Variants in ARMC8 observed in about 807,000 individuals in gnomAD.
ARMC8 encodes the protein armadillo repeat-containing protein 8.
A neutral mutation model predicts 99.3 loss-of-function variants in ARMC8; 20 were observed. The ratio of observed to expected loss-of-function variants is 0.20; its 90% CI spans 0.14 to 0.29. The LOEUF (loss-of-function observed/expected upper bound fraction) is 0.29, where lower values mean the gene tolerates loss of function less well. Ranked by LOEUF, ARMC8 falls within the 10% of genes least tolerant of loss-of-function variation. The pLI is 1.00. For missense variants in ARMC8, 569 were observed against 809.5 expected, an observed-to-expected ratio of 0.70 and a Z score of 3.60; for synonymous variants, 263 against 278.3, an observed-to-expected ratio of 0.95 and a Z score of 0.55.
chr3:138,221,888 G>C (rs2108076615), intron 2 of ARMC8, 38 bp from the exon 3 acceptor site: 8 of 1,500,266 alleles, frequency 5.3e-6, no homozygotes, highest in Non-Finnish European at 7.4e-6. Flanking sequence ...CTTCAGTGCT[G>C]TCTCAACATA....
At chr3:138,231,209 A>G (rs1245196316) in intron 6 of ARMC8, among the ~76,000 whole-genome samples, 2 of 152,248 alleles carry the variant, frequency 1.3e-5, no homozygotes, top group Non-Finnish European at 2.9e-5. Context: ...GACAACATGT[A>G]TCTTTGAGAA....
At chr3:138,217,124 A>G (rs2045096618) in intron 2 of ARMC8, among the ~76,000 whole-genome samples, 1 of 152,160 alleles carries the variant, frequency 6.6e-6, no homozygotes. Context: ...TAGTTGGTGT[A>G]AGTACACTCT....
chr3:138,255,189 C>CTGTT (rs1220337032), intron 12 of ARMC8, among the ~76,000 whole-genome samples: 1 of 144,786 alleles, frequency 6.9e-6, no homozygotes, highest in African/African-American at 2.6e-5. Flanking sequence ...TTGTTCTGTT[C>CTGTT]TGTTTTTTTT....
In ARMC8 at chr3:138,194,180, C is replaced by T. The variant is rs2043561431; in HGVS notation, c.45+6581C>T. On this transcript the variant is annotated intron_variant, in intron 1 of 21. Coordinates refer to ENST00000469044, the MANE Select transcript of ARMC8 (RefSeq NM_001363941.2). ...GCCTCAGCCTCCCGAGTAGCTGGGACTACAGGCACCCACTGCCACGCCCGG... is the reference window on the plus strand; with the variant it reads ...GCCTCAGCCTCCCGAGTAGCTGGGATTACAGGCACCCACTGCCACGCCCGG... Among the ~76,000 whole-genome samples, 3 of 150,900 alleles carry T rather than the reference C, an allele frequency of 2.0e-5. No individual in the cohort carries two copies. In the South Asian group the frequency reaches 6.3e-4, roughly 32 times the overall value.
chr3:138,218,251 G>A (rs1056737414), intron 2 of ARMC8, among the ~76,000 whole-genome samples: 2 of 152,134 alleles, frequency 1.3e-5, no homozygotes, highest in African/African-American at 4.8e-5. Flanking sequence ...CCACTTAGTT[G>A]TCCCTCTTAA....
At chr3:138,280,794 C>G (rs978490578) in intron 18 of ARMC8, among the ~76,000 whole-genome samples, 1 of 151,594 alleles carries the variant, frequency 6.6e-6, no homozygotes, top group Admixed American at 6.6e-5. Flanking sequence ...GCCTGGCCAA[C>G]TTTTTGTATT....
intron 18 of ARMC8, among the ~76,000 whole-genome samples, chr3:138,280,399 C>T (rs1196582108): frequency 6.7e-6 from 1 of 149,218 alleles, no homozygotes; most frequent in South Asian, 2.1e-4. Context: ...CTCACTGCAG[C>T]CTCCACCTCC....
At chr3:138,239,015 T>TA (rs2046473803) in intron 9 of ARMC8, 1 of 157,906 alleles carries the variant, frequency 6.3e-6, no homozygotes, top group South Asian at 1.8e-4. Flanking sequence ...TGTTACAAGT[T>TA]AAATGCCTCT....
chr3:138,228,956 C>CA lies in ARMC8; in HGVS notation c.475dup (p.Arg159LysfsTer18), dbSNP rs778495788. 6.2e-7 allele frequency: 1 copy of CA among 1,609,788 alleles called. No individual in the cohort carries two copies. Among genetic ancestry groups the CA allele is most frequent in the Non-Finnish European group, 8.5e-7 (1 of 1,177,574 alleles). ...TACCACACCTCATGGCACTGCTTAG[C>CA]AGGTCCCGCTATACCCAGGAGTACA... On this transcript the variant is annotated frameshift_variant, in exon 6 of 22. Coordinates refer to ENST00000469044, the MANE Select transcript of ARMC8 (RefSeq NM_001363941.2). LOFTEE classifies it high-confidence loss of function.
chr3:138,256,341 A>G (rs1431644089), intron 12 of ARMC8, among the ~76,000 whole-genome samples: 1 of 150,498 alleles, frequency 6.6e-6, no homozygotes, highest in Non-Finnish European at 1.5e-5. Context: ...CCAAAGCTGA[A>G]TCATTGATTT....
chr3:138,204,512 T>G (rs1287003937), intron 1 of ARMC8, among the ~76,000 whole-genome samples: 2 of 152,222 alleles, frequency 1.3e-5, no homozygotes, highest in Non-Finnish European at 2.9e-5. Flanking sequence ...GTGAAAAGCC[T>G]TCTTTCAAGG....
rs769789020 is a variant in ARMC8, at chr3:138,273,062, G to C, written c.1575G>C (p.Leu525Phe). ...TCCGGTTATTATCAGATTCAGATTT[G>C]AATGTGCTGATGAAGACATTGGGAC... ...QLFRLLSDSDLNVLMKTLGLL... is the reference protein window; with the variant it reads ...QLFRLLSDSDFNVLMKTLGLL... Residue 525 changes from leucine (L) to phenylalanine (F), a missense_variant, in exon 17 of 22, where the codon TTG becomes TTC. This residue lies in a region of ARMC8 where 227 missense variants were observed against 417.9 expected (regional missense o/e 0.54). Transcript: ENST00000469044. 2 of 1,613,486 alleles carry C rather than the reference G, an allele frequency of 1.2e-6. No homozygotes were observed. The highest frequency in any genetic ancestry group is 1.7e-6 in the Non-Finnish European group (2 of 1,179,666).
intron 1 of ARMC8, among the ~76,000 whole-genome samples, chr3:138,196,875 A>AT (rs933236317): frequency 6.6e-5 from 10 of 151,788 alleles, no homozygotes; most frequent in African/African-American, 2.4e-4. Flanking sequence ...CTCAAAAAAA[A>AT]TTTTTTTTTA....
chr3:138,289,194 C>T, intron 20 of ARMC8, 74 bp downstream of exon 20: 1 of 1,174,920 alleles, frequency 8.5e-7, no homozygotes, highest in South Asian at 1.3e-5. Flanking sequence ...TAGCAGGTGC[C>T]CCTGAGATCC....
At chr3:138,288,946 A>C (rs899519889) in intron 19 of ARMC8, 102 bp from the exon 20 acceptor site, 4 of 920,726 alleles carry the variant, frequency 4.3e-6, no homozygotes, top group Non-Finnish European at 6.7e-6. Context: ...CCTGCTTCAG[A>C]CTTTTAGGTT....
intron 2 of ARMC8, among the ~76,000 whole-genome samples, chr3:138,212,586 C>T (rs1385601945): frequency 3.3e-5 from 5 of 152,030 alleles, no homozygotes; most frequent in Admixed American, 6.5e-5. Context: ...GGATTACAGG[C>T]GTGAGCCACC....
At chr3:138,246,871 GTTATAA>G in intron 12 of ARMC8, 2 of 917,168 alleles carry the variant, frequency 2.2e-6, no homozygotes, top group Non-Finnish European at 2.6e-6. Flanking sequence ...TAAAGAAAAA[GTTATAA>G]TTATTAATTA....
At chr3:138,294,254 A>G (rs543106606) in intron 21 of ARMC8, among the ~76,000 whole-genome samples, 2 of 152,310 alleles carry the variant, frequency 1.3e-5, no homozygotes, top group South Asian at 4.1e-4. Flanking sequence ...TGACTTTCAG[A>G]TGCTTACAGA....
Position 138,240,408 on chromosome 3 carries a change from A to G in ARMC8, c.837+880A>G, listed in dbSNP as rs1026166612. 2.0e-5 allele frequency among the ~76,000 whole-genome samples: 3 copies of G among 152,210 alleles called. No homozygotes were observed. In the South Asian group the frequency reaches 6.2e-4, roughly 32 times the overall value. ...ACACTCCCTAAGTAAACAACTCTTC[A>G]TAGAGTGCCACGGACTTCCATAGCA... On this transcript the variant is annotated intron_variant, in intron 10 of 21. Coordinates refer to ENST00000469044, the MANE Select transcript of ARMC8 (RefSeq NM_001363941.2).
Sources: allele counts gnomAD v4.1 joint callset (sites outside exome capture counted in the v4.1 genomes callset), GRCh38; gene constraint gnomAD v4.1.1; regional missense constraint gnomAD v4.1.1; transcripts MANE v1.5; gene names NCBI Gene and HGNC (gene_info 2026-07-23, HGNC 2026-07-21).